Variants in PYY observed in about 807,000 individuals in gnomAD.
PYY encodes peptide tyrosine tyrosine.
Under a neutral mutation model 10.3 loss-of-function variants are expected in PYY, and 12 were observed. The ratio of observed to expected loss-of-function variants is 1.17; its 90% CI spans 0.75 to 1.89. The LOEUF is 1.89. Ranked by LOEUF, PYY falls within the 40% of genes most tolerant of loss-of-function variation. PYY has a pLI of 0.00. For missense variants in PYY, 141 were observed against 134.0 expected (o/e 1.05, Z -0.26); for synonymous variants, 66 against 62.0 (o/e 1.06, Z -0.30).
intron 1 of PYY, among the ~76,000 whole-genome samples, chr17:43,991,178 C>G (rs896045436): frequency 2.6e-5 from 4 of 151,838 alleles, no homozygotes; most frequent in Admixed American, 6.6e-5. Context: ...GCCTGTAATT[C>G]CAGCACTTTG....
In PYY at chr17:43,953,106, T is replaced by A; in HGVS notation, c.269+3A>T. The A allele has an allele frequency of 1.9e-6, 3 of 1,613,884 alleles. No individual in the cohort carries two copies. Among genetic ancestry groups the A allele is most frequent in the Non-Finnish European group, 2.5e-6 (3 of 1,179,868 alleles). On this transcript the variant is annotated splice_donor_region_variant and intron_variant, in intron 3 of 3. Coordinates refer to ENST00000692052, the MANE Select transcript of PYY (RefSeq NM_001394028.1). ...CAGGATGTGTGGTAACGGGCGCTTT[T>A]ACCGCGACCTGACGGGGCGGTCCTC...
intron 1 of PYY, among the ~76,000 whole-genome samples, chr17:43,968,783 G>C (rs998188569): frequency 1.3e-5 from 2 of 152,148 alleles, no homozygotes; most frequent in African/African-American, 4.8e-5. Flanking sequence ...CTGCACTCCA[G>C]CCTGGGCAGC....
chr17:43,965,104 A>G (rs1372942046), intron 2 of PYY, among the ~76,000 whole-genome samples: 1 of 152,162 alleles, frequency 6.6e-6, no homozygotes, highest in African/African-American at 2.4e-5. Flanking sequence ...CATCCTTAGC[A>G]TCCAGACTAG....
Position 43,952,929 on chromosome 17 carries a change from A to G in PYY, c.*27T>C. ...TGCAAATGACGTGGGCGTGGTTGGC[A>G]GATCTCCCAGGAGGCCTCAGGGGTC... On this transcript the variant is annotated 3_prime_UTR_variant, in exon 4 of 4. Transcript: ENST00000692052. 2 of 1,532,696 alleles carry G rather than the reference A, an allele frequency of 1.3e-6. No individual in the cohort carries two copies. Among genetic ancestry groups the G allele is most frequent in the Non-Finnish European group, 1.7e-6 (2 of 1,144,670 alleles). 94.9% of individuals were successfully genotyped at this position (1,532,696 alleles called of 1,614,324 possible).
intron 2 of PYY, among the ~76,000 whole-genome samples, chr17:43,963,624 A>AAGAAAGAAAGAG (rs1364420978): frequency 5.6e-4 from 31 of 55,248 alleles, no homozygotes; most frequent in African/African-American, 1.6e-3. Context: ...GAAAGAAAGA[A>AAGAAAGAAAGAG]AGAGAAAGAA....
intron 1 of PYY, among the ~76,000 whole-genome samples, chr17:43,973,475 C>G (rs2048808829): frequency 6.6e-6 from 1 of 152,232 alleles, no homozygotes; most frequent in African/African-American, 2.4e-5. Flanking sequence ...GGAGAAATCT[C>G]TATTTCAATC....
chr17:43,999,301 G>A (rs1161028398), intron 1 of PYY, among the ~76,000 whole-genome samples: 7 of 152,214 alleles, frequency 4.6e-5, no homozygotes, highest in South Asian at 2.1e-4. Flanking sequence ...AGTGGATTGC[G>A]CCTAAGGGAG....
Position 44,003,705 on chromosome 17 carries a change from G to A in PYY, c.-463+686C>T, listed in dbSNP as rs139526417. Among the ~76,000 whole-genome samples the A allele has an allele frequency of 2.6e-4, 39 of 149,276 alleles. 1 individual carries two copies. The East Asian group carries it at 6.7e-3, about 26-fold the overall frequency. ...AAAAAAAAAAAGGGTTACAGAGGTC[G>A]AGTGAAGTAGCTCACACCTGTAATC... On this transcript the variant is annotated intron_variant, in intron 1 of 6. Transcript: ENST00000360085.
intron 1 of PYY, among the ~76,000 whole-genome samples, chr17:43,971,831 C>A (rs1277690225): frequency 6.6e-6 from 1 of 151,966 alleles, no homozygotes; most frequent in East Asian, 1.9e-4. Context: ...TTAACCCTGT[C>A]TTTCATAGAA....
chr17:43,996,343 A>G (rs2048992186), intron 1 of PYY, among the ~76,000 whole-genome samples: 1 of 152,164 alleles, frequency 6.6e-6, no homozygotes, highest in Non-Finnish European at 1.5e-5. Context: ...AGCTCCAGCC[A>G]TCATCTGACT....
intron 1 of PYY, among the ~76,000 whole-genome samples, chr17:43,967,746 A>G (rs1317411812): frequency 6.6e-6 from 1 of 152,176 alleles, no homozygotes; most frequent in Non-Finnish European, 1.5e-5. Flanking sequence ...AGAGTGTGAA[A>G]GTAAACACAG....
chr17:43,992,768 C>T (rs2048966049), intron 1 of PYY, among the ~76,000 whole-genome samples: 1 of 151,992 alleles, frequency 6.6e-6, no homozygotes, highest in African/African-American at 2.4e-5. Flanking sequence ...CGCCTGTAAT[C>T]CCATCTATTC....
chr17:43,999,465 C>T (rs893208017), intron 1 of PYY, among the ~76,000 whole-genome samples: 2 of 151,846 alleles, frequency 1.3e-5, no homozygotes, highest in African/African-American at 4.8e-5. Context: ...TGTTAGAGGC[C>T]GGGCACGGTC....
At chr17:43,980,555 A>G (rs2048877815) in intron 1 of PYY, among the ~76,000 whole-genome samples, 1 of 151,336 alleles carries the variant, frequency 6.6e-6, no homozygotes, top group African/African-American at 2.4e-5. Context: ...GCTCACTGCA[A>G]CCTCTGCCTC....
At position 43,980,720 on chromosome 17, in the gene PYY, C is replaced by T. The variant is rs1472779064; in HGVS notation, c.-462-14188G>A. 3.9e-5 allele frequency among the ~76,000 whole-genome samples: 6 copies of T among 152,260 alleles called. No individual in the cohort carries two copies. In the East Asian group the frequency reaches 1.2e-3, roughly 29 times the overall value. ...AACTCCTGACCTCTTGATCCACCCT[C>T]CTCTGCCTCCCAAAGTGCTGGGATT... is the stretch of plus-strand genomic sequence containing the variant. On this transcript the variant is annotated intron_variant, in intron 1 of 6. Transcript: ENST00000360085.
chr17:43,963,813 C>A (rs146438859), intron 2 of PYY, among the ~76,000 whole-genome samples: 16 of 147,370 alleles, frequency 1.1e-4, no homozygotes, highest in South Asian at 2.1e-4. Flanking sequence ...ACCAAAAATA[C>A]AAAAAAAAAA....
At chr17:43,977,410 G>A (rs938735164) in intron 1 of PYY, among the ~76,000 whole-genome samples, 6 of 152,088 alleles carry the variant, frequency 3.9e-5, no homozygotes, top group African/African-American at 1.4e-4. Flanking sequence ...TCAGTGACCT[G>A]GAAACTAGAG....
At chr17:43,990,985 C>T (rs1186094315) in intron 1 of PYY, among the ~76,000 whole-genome samples, 1 of 151,648 alleles carries the variant, frequency 6.6e-6, no homozygotes, top group Non-Finnish European at 1.5e-5. Flanking sequence ...TTAGTAGAGA[C>T]AGGGTTTCAC....
At chr17:43,957,652 G>A (rs1160977904), upstream of PYY, among the ~76,000 whole-genome samples, 4 of 152,162 alleles carry the variant, frequency 2.6e-5, no homozygotes, top group Non-Finnish European at 5.9e-5. Context: ...GTGAGAATCT[G>A]TCTCAAATAA....
Sources: allele counts gnomAD v4.1 joint callset (sites outside exome capture counted in the v4.1 genomes callset), GRCh38; gene constraint gnomAD v4.1.1; transcripts MANE v1.5; gene names NCBI Gene and HGNC (gene_info 2026-07-23, HGNC 2026-07-21).